Variants in LRRC7 observed in about 807,000 individuals in gnomAD.
LRRC7 encodes leucine-rich repeat-containing protein 7.
In LRRC7, 23 loss-of-function variants were observed where a neutral mutation model predicts 175.7. That is an observed-to-expected ratio of 0.13 (90% CI 0.09 to 0.19). The LOEUF (loss-of-function observed/expected upper bound fraction) is 0.19. Ranked by LOEUF, LRRC7 falls within the 10% of genes least tolerant of loss-of-function variation. The pLI, the probability that LRRC7 is intolerant of heterozygous loss-of-function variation, is 1.00. For missense variants in LRRC7, 1,354 were observed against 1,904.7 expected, an observed-to-expected ratio of 0.71 and a Z score of 5.38; for synonymous variants, 685 against 680.9, an observed-to-expected ratio of 1.01 and a Z score of -0.09.
intron 1 of LRRC7, among the ~76,000 whole-genome samples, chr1:69,583,841 A>C (rs1010374712): frequency 6.6e-6 from 1 of 152,110 alleles, no homozygotes; most frequent in African/African-American, 2.4e-5. Flanking sequence ...TATTATCCAC[A>C]CAAAGACTTT....
intron 23 of LRRC7, among the ~76,000 whole-genome samples, chr1:70,061,813 GTA>G (rs1430766672): frequency 6.6e-6 from 1 of 152,006 alleles, no homozygotes; most frequent in Non-Finnish European, 1.5e-5. Flanking sequence ...TGGAGTTTTG[GTA>G]TCTACTAGAA....
At chr1:69,827,208 A>C (rs1680016868) in intron 5 of LRRC7, among the ~76,000 whole-genome samples, 1 of 152,150 alleles carries the variant, frequency 6.6e-6, no homozygotes, top group Non-Finnish European at 1.5e-5. Flanking sequence ...CATGTCCTTG[A>C]CTTGAGTCAA....
At chr1:70,121,577 G>A (rs543714394) in intron 26 of LRRC7, among the ~76,000 whole-genome samples, 2 of 151,898 alleles carry the variant, frequency 1.3e-5, no homozygotes, top group Non-Finnish European at 2.9e-5. Flanking sequence ...AGACATAATC[G>A]GTACTTAATA....
At chr1:70,120,757 T>C (rs1666160541) in intron 26 of LRRC7, among the ~76,000 whole-genome samples, 1 of 152,088 alleles carries the variant, frequency 6.6e-6, no homozygotes, top group African/African-American at 2.4e-5. Context: ...AGCCAAGCTG[T>C]CAACTTGACT....
intron 7 of LRRC7, among the ~76,000 whole-genome samples, chr1:69,891,836 T>A (rs1037830675): frequency 8.0e-6 from 1 of 124,668 alleles, no homozygotes; most frequent in African/African-American, 2.6e-5. Context: ...AGTGAGCACA[T>A]GCTGTTGGAA....
intron 9 of LRRC7, among the ~76,000 whole-genome samples, chr1:69,984,201 G>A (rs1032848694): frequency 1.3e-5 from 2 of 152,158 alleles, no homozygotes; most frequent in Non-Finnish European, 2.9e-5. Context: ...TGGGATTACA[G>A]GCGTGAGCCA....
chr1:69,767,417 C>A (rs1671746827), intron 3 of LRRC7, among the ~76,000 whole-genome samples: 1 of 151,954 alleles, frequency 6.6e-6, no homozygotes, highest in African/African-American at 2.4e-5. Flanking sequence ...ACTCCAATAC[C>A]CAAATTCCTC....
At chr1:69,930,458 A>G (rs1327883) in intron 7 of LRRC7, among the ~76,000 whole-genome samples, 3,874 of 152,306 alleles carry the variant, frequency 0.025, 76 homozygotes, top group Non-Finnish European at 0.04. Context: ...TATAGGCAGG[A>G]CTTAAGGACA....
chr1:69,959,178 C>T (rs1339168387), intron 8 of LRRC7, among the ~76,000 whole-genome samples: 1 of 152,036 alleles, frequency 6.6e-6, no homozygotes, highest in African/African-American at 2.4e-5. Flanking sequence ...GTGATTTTCT[C>T]CAACAAATCT....
At chr1:69,608,606 T>C (rs921370475) in intron 1 of LRRC7, among the ~76,000 whole-genome samples, 1 of 151,990 alleles carries the variant, frequency 6.6e-6, no homozygotes, top group Non-Finnish European at 1.5e-5. Flanking sequence ...ATTCAGTTCC[T>C]AATATAATTT....
intron 2 of LRRC7, among the ~76,000 whole-genome samples, chr1:69,740,242 G>A (rs780047846): frequency 6.6e-6 from 1 of 152,014 alleles, no homozygotes; most frequent in Non-Finnish European, 1.5e-5. Flanking sequence ...CAAGAACAAC[G>A]TGCTAGCAGA....
intron 7 of LRRC7, among the ~76,000 whole-genome samples, chr1:69,924,122 G>T (rs1483634180): frequency 6.6e-6 from 1 of 152,084 alleles, no homozygotes; most frequent in African/African-American, 2.4e-5. Context: ...TAGATATGCG[G>T]CGTTATTTCT....
chr1:70,013,443 TG>T (rs1656697058), intron 13 of LRRC7, among the ~76,000 whole-genome samples: 1 of 151,918 alleles, frequency 6.6e-6, no homozygotes, highest in Non-Finnish European at 1.5e-5. Context: ...TATCTATGTA[TG>T]TATGTATGCA....
intron 7 of LRRC7, among the ~76,000 whole-genome samples, chr1:69,861,584 T>C (rs934678984): frequency 1.4e-4 from 21 of 152,100 alleles, no homozygotes; most frequent in African/African-American, 4.6e-4. Context: ...AGGAGTAACC[T>C]CGCAAACAGA....
At chr1:69,850,634 A>T (rs1166705648) in intron 7 of LRRC7, among the ~76,000 whole-genome samples, 1 of 152,100 alleles carries the variant, frequency 6.6e-6, no homozygotes, top group Non-Finnish European at 1.5e-5. Flanking sequence ...GTCCTTGCTG[A>T]TGGACAGAAT....
intron 23 of LRRC7, among the ~76,000 whole-genome samples, chr1:70,070,442 A>G (rs551680352): frequency 1.3e-5 from 2 of 152,326 alleles, no homozygotes; most frequent in African/African-American, 4.8e-5. Flanking sequence ...CAGTATGAGC[A>G]TCTATTGATT....
Position 69,763,439 on chromosome 1 carries a change from GTTAA to G in LRRC7, c.303+3049_303+3052del, listed in dbSNP as rs1461292108. On this transcript the variant is annotated intron_variant, in intron 3 of 26. Transcript: ENST00000651989. ...TAATTTGTCTGCAGATCTCATTGGC[GTTAA>G]TTGTGTCACATGTTTACTGCTGATG... is the stretch of plus-strand genomic sequence containing the variant. Among the ~76,000 whole-genome samples the G allele has an allele frequency of 2.0e-5, 3 of 152,020 alleles. 1 individual carries two copies. Among genetic ancestry groups the G allele is most frequent in the Admixed American group, 2.0e-4 (3 of 15,210 alleles).
Position 69,764,507 on chromosome 1 carries a change from C to T in LRRC7, c.303+4114C>T, listed in dbSNP as rs12096120. Among the ~76,000 whole-genome samples, 1,171 of 152,064 alleles carry T rather than the reference C, an allele frequency of 7.7e-3. 10 individuals are homozygous for T. Among genetic ancestry groups the T allele is most frequent in the African/African-American group, 0.025 (1,036 of 41,512 alleles). On this transcript the variant is annotated intron_variant, in intron 3 of 26. Transcript: ENST00000651989. ...TAAATTTTAAGCACCATACTTTCAA[C>T]ATTTTCTCGGCTTAAAAGTTTACAA...
chr1:69,625,684 T>C (rs1268305696), intron 1 of LRRC7, among the ~76,000 whole-genome samples: 2 of 152,068 alleles, frequency 1.3e-5, no homozygotes, highest in African/African-American at 2.4e-5. Flanking sequence ...TTCCCACAAA[T>C]GTGGCATGTA....
Sources: gnomAD v4.1 joint callset for allele counts (sites outside exome capture counted in the v4.1 genomes callset) on GRCh38, gnomAD v4.1.1 for gene constraint, MANE v1.5 for transcripts, NCBI Gene and HGNC (gene_info 2026-07-23, HGNC 2026-07-21) for gene names.